The following ORC5 variants were observed in gnomAD, a reference collection of about 807,000 sequenced individuals.
ORC5 encodes protein phosphatase 1, regulatory subunit 117.
ORC5 carries 39 observed loss-of-function variants against 58.8 expected under a neutral mutation model. The ratio of observed to expected loss-of-function variants is 0.66; its 90% CI spans 0.51 to 0.87. ORC5 has a LOEUF of 0.87. ORC5 is among the 40% of genes least tolerant of loss of function. The pLI is 0.00. For synonymous variants in ORC5, 218 were observed against 177.6 expected (o/e 1.23, Z -1.81); for missense variants, 493 against 506.3 (o/e 0.97, Z 0.25).
At chr7:104,197,654 A>C in intron 4 of ORC5, 71 bp downstream of exon 4, 2 of 1,005,650 alleles carry the variant, frequency 2.0e-6, no homozygotes, top group Admixed American at 2.5e-5. Flanking sequence ...TCAAATAGCA[A>C]AATGAAAAAC....
intron 12 of ORC5, among the ~76,000 whole-genome samples, chr7:104,152,085 A>C (rs182948950): frequency 6.6e-6 from 1 of 152,310 alleles, no homozygotes; most frequent in East Asian, 1.9e-4. Context: ...GCTGACAAGG[A>C]ATCAAGACAA....
chr7:104,200,451 G>A (rs1450405496), intron 3 of ORC5, among the ~76,000 whole-genome samples: 1 of 152,124 alleles, frequency 6.6e-6, no homozygotes, highest in East Asian at 1.9e-4. Context: ...AGAATACTCT[G>A]ATTCATTTAG....
chr7:104,155,795 T>C (rs1309878286), intron 12 of ORC5, among the ~76,000 whole-genome samples: 2 of 151,336 alleles, frequency 1.3e-5, no homozygotes, highest in Non-Finnish European at 3.0e-5. Context: ...ACAAGAGTAT[T>C]TGGGTAGGGG....
At chr7:104,186,870 ATAT>A (rs1385853814) in intron 6 of ORC5, among the ~76,000 whole-genome samples, 1 of 152,190 alleles carries the variant, frequency 6.6e-6, no homozygotes, top group Admixed American at 6.5e-5. Flanking sequence ...ACATTTATGA[ATAT>A]TATTTTTTAA....
At chr7:104,188,492 A>C in intron 5 of ORC5, 111 bp from the exon 6 acceptor site, 2 of 671,200 alleles carry the variant, frequency 3.0e-6, no homozygotes, top group Non-Finnish European at 2.5e-6. Context: ...CCCAGCAACA[A>C]TTAAGGAATA....
At chr7:104,168,201 A>C in intron 9 of ORC5, 6 of 855,202 alleles carry the variant, frequency 7.0e-6, no homozygotes. Flanking sequence ...GCTTTAATAA[A>C]AGCATTTAAA....
rs115690434 is a variant in ORC5 at position 104,189,163 on chromosome 7, A to G, written c.554-782T>C. Among the ~76,000 whole-genome samples the G allele has an allele frequency of 9.6e-3, 1,455 of 152,220 alleles. 26 individuals carry two copies. The highest frequency in any genetic ancestry group is 0.033 in the African/African-American group (1,390 of 41,546). ...AGTGATTAGAGCCCTGTATTGTCAC[A>G]TACACTGCTATGAAGAAATACCCAT... On this transcript the variant is annotated intron_variant, in intron 5 of 13. Transcript: ENST00000297431.
chr7:104,192,962 C>T (rs1799709314), intron 5 of ORC5, among the ~76,000 whole-genome samples: 1 of 149,938 alleles, frequency 6.7e-6, no homozygotes, highest in Non-Finnish European at 1.5e-5. Context: ...TTTAAATAAA[C>T]AGACTTTCAG....
At chr7:104,148,067 T>C (rs889765158) in intron 12 of ORC5, among the ~76,000 whole-genome samples, 2 of 152,190 alleles carry the variant, frequency 1.3e-5, no homozygotes, top group Non-Finnish European at 2.9e-5. Context: ...TGGTAATTAG[T>C]GGCATATGGA....
chr7:104,198,012 G>A (rs921902298), intron 3 of ORC5, among the ~76,000 whole-genome samples: 4 of 152,140 alleles, frequency 2.6e-5, no homozygotes, highest in Non-Finnish European at 5.9e-5. Context: ...GTGGGTTATT[G>A]AGAGAATGGC....
At chr7:104,168,997 A>G (rs1799159186) in intron 8 of ORC5, among the ~76,000 whole-genome samples, 1 of 152,122 alleles carries the variant, frequency 6.6e-6, no homozygotes, top group African/African-American at 2.4e-5. Context: ...CACGAGAATC[A>G]CTTGAACCTG....
At chr7:104,172,538 A>G (rs1405469485) in intron 8 of ORC5, among the ~76,000 whole-genome samples, 1 of 152,246 alleles carries the variant, frequency 6.6e-6, no homozygotes, top group Non-Finnish European at 1.5e-5. Flanking sequence ...TAAGGCATTC[A>G]TGAGAGAAAA....
chr7:104,154,765 T>A lies in ORC5; in HGVS notation c.1149+6307A>T, dbSNP rs554611147. Among the ~76,000 whole-genome samples, 125 of 151,994 alleles carry A rather than the reference T, an allele frequency of 8.2e-4. 1 individual carries two copies. In the South Asian group the frequency reaches 0.017, roughly 21 times the overall value. On this transcript the variant is annotated intron_variant, in intron 12 of 13. Coordinates refer to ENST00000297431, the MANE Select transcript of ORC5 (RefSeq NM_002553.4). ...AAAATATTTTTATTTATAAACGTTT[T>A]AGAATTAAATAAAAATTAACAACGT...
chr7:104,166,144 G>T (rs946138211), intron 10 of ORC5, among the ~76,000 whole-genome samples: 1 of 152,122 alleles, frequency 6.6e-6, no homozygotes, highest in African/African-American at 2.4e-5. Context: ...TGTGAAATAG[G>T]AAACAATAAA....
chr7:104,186,392 C>A lies in ORC5; in HGVS notation c.684+1859G>T, dbSNP rs182819567. 3.2e-4 allele frequency among the ~76,000 whole-genome samples: 48 copies of A among 152,160 alleles called. 1 individual carries two copies. The highest frequency in any genetic ancestry group is 3.4e-3 in the Middle Eastern group (1 of 294). Reference sequence around the variant, plus strand: ...GGGACTGGTCCTGGAACCAATCCCCCAAGTATACCAAGGGGCAACTGTATT... The same window carrying A: ...GGGACTGGTCCTGGAACCAATCCCCAAAGTATACCAAGGGGCAACTGTATT... On this transcript the variant is annotated intron_variant, in intron 6 of 13. Coordinates refer to ENST00000297431, the MANE Select transcript of ORC5 (RefSeq NM_002553.4).
intron 6 of ORC5, 72 bp downstream of exon 6, chr7:104,188,179 T>C (rs1005467503): frequency 6.4e-6 from 7 of 1,096,070 alleles, no homozygotes; most frequent in Non-Finnish European, 9.0e-6. Flanking sequence ...AAAATACATA[T>C]ATACACATAT....
chr7:104,164,258 T>C (rs926120461), intron 11 of ORC5, among the ~76,000 whole-genome samples: 2 of 152,008 alleles, frequency 1.3e-5, no homozygotes, highest in African/African-American at 2.4e-5. Flanking sequence ...ACCCTGTCTC[T>C]ACAAAAAATA....
At chr7:104,174,360 G>T (rs969381675) in intron 8 of ORC5, among the ~76,000 whole-genome samples, 2 of 152,120 alleles carry the variant, frequency 1.3e-5, no homozygotes, top group African/African-American at 4.8e-5. Flanking sequence ...TCCCTGACAA[G>T]ATTTATGGGA....
chr7:104,197,267 T>C (rs929720748), intron 4 of ORC5, among the ~76,000 whole-genome samples: 1 of 152,224 alleles, frequency 6.6e-6, no homozygotes, highest in African/African-American at 2.4e-5. Flanking sequence ...AAGTGAGGAC[T>C]TACTGTACTT....
Sources: gnomAD v4.1 joint callset for allele counts (sites outside exome capture counted in the v4.1 genomes callset) on GRCh38, gnomAD v4.1.1 for gene constraint, MANE v1.5 for transcripts, NCBI Gene and HGNC (gene_info 2026-07-23, HGNC 2026-07-21) for gene names.